Variants in HHAT observed in about 807,000 individuals in gnomAD.
The protein encoded by HHAT is protein-cysteine N-palmitoyltransferase HHAT.
A neutral mutation model predicts 70.8 loss-of-function variants in HHAT; 47 were observed. The observed-to-expected ratio is 0.66, with a 90% CI of 0.53 to 0.85. The LOEUF (loss-of-function observed/expected upper bound fraction) is 0.85. Among genes scored for constraint, HHAT ranks in the 40% least tolerant of loss-of-function variants. HHAT has a pLI of 0.00. For missense variants in HHAT, 609 were observed against 604.8 expected, an observed-to-expected ratio of 1.01 and a Z score of -0.07; for synonymous variants, 228 against 247.6, an observed-to-expected ratio of 0.92 and a Z score of 0.74.
At chr1:210,393,305 A>G (rs1404556021) in intron 4 of HHAT, among the ~76,000 whole-genome samples, 4 of 152,140 alleles carry the variant, frequency 2.6e-5, no homozygotes, top group Non-Finnish European at 5.9e-5. Flanking sequence ...CGGTCTTGAG[A>G]TTCCAAAATC....
intron 5 of HHAT, 58 bp downstream of exon 5, chr1:210,400,720 G>GA: frequency 1.3e-6 from 2 of 1,482,578 alleles, no homozygotes; most frequent in African/African-American, 1.4e-5. Context: ...GCTTTGCCTT[G>GA]ATCCCAGTAG....
At chr1:210,330,195 T>C (rs1457846780) in intron 1 of HHAT, among the ~76,000 whole-genome samples, 1 of 152,214 alleles carries the variant, frequency 6.6e-6, no homozygotes, top group African/African-American at 2.4e-5. Context: ...CCATTCCTCA[T>C]GTTCCATTTT....
intron 2 of HHAT, among the ~76,000 whole-genome samples, chr1:210,361,320 A>C (rs548334856): frequency 9.9e-5 from 15 of 152,220 alleles, no homozygotes; most frequent in African/African-American, 1.4e-4. Context: ...TGCAACACGC[A>C]AATAGGTGCG....
At chr1:210,375,449 A>G (rs2090112904) in intron 3 of HHAT, among the ~76,000 whole-genome samples, 1 of 152,070 alleles carries the variant, frequency 6.6e-6, no homozygotes, top group Non-Finnish European at 1.5e-5. Context: ...CTTTTGATTC[A>G]TGTATGTATG....
chr1:210,536,684 C>A (rs763501213), intron 9 of HHAT, among the ~76,000 whole-genome samples: 11 of 152,322 alleles, frequency 7.2e-5, no homozygotes, highest in Admixed American at 6.5e-5. Context: ...TACAGGTGAT[C>A]AGGGGCAGTA....
intron 7 of HHAT, among the ~76,000 whole-genome samples, chr1:210,459,234 A>T (rs2093930485): frequency 6.6e-6 from 1 of 152,114 alleles, no homozygotes; most frequent in East Asian, 1.9e-4. Context: ...AGACTCGTTG[A>T]TTTGGTGGCA....
At position 210,674,370 on chromosome 1, in the gene HHAT, C is replaced by G; in HGVS notation, c.1473C>G (p.Ala491=). 8.1e-6 allele frequency: 13 copies of G among 1,613,812 alleles called. No individual in the cohort carries two copies. Among genetic ancestry groups the G allele is most frequent in the Non-Finnish European group, 1.1e-5 (13 of 1,179,702 alleles). The change falls in exon 12 of 12, where the codon GCC becomes GCG. Residue 491 remains alanine, a synonymous_variant. Coordinates refer to ENST00000261458, the MANE Select transcript of HHAT (RefSeq NM_018194.6). ...HVGIAWAQTY[A]TD is the part of the protein sequence containing the mutation. ...GCATTGCCTGGGCCCAGACCTACGC[C>G]ACGGACTAATGCTGTTGGGCCCAGG...
intron 11 of HHAT, among the ~76,000 whole-genome samples, chr1:210,671,230 C>T (rs1680015073): frequency 6.6e-6 from 1 of 152,192 alleles, no homozygotes; most frequent in Non-Finnish European, 1.5e-5. Flanking sequence ...CCAAACACTG[C>T]TGATGCCTCA....
In HHAT at chr1:210,593,400, G is replaced by T. The variant is rs568684393; in HGVS notation, c.1245+5301G>T. ...TATCCATTATCATTTGTTTCAAGGA[G>T]TTTTTCAATTTCTTAAGTTCTTCAT... is the stretch of plus-strand genomic sequence containing the variant. On this transcript the variant is annotated intron_variant, in intron 10 of 11. Transcript: ENST00000261458. 1.4e-4 allele frequency among the ~76,000 whole-genome samples: 22 copies of T among 152,118 alleles called. No homozygotes were observed. The South Asian group carries it at 4.6e-3, about 32-fold the overall frequency.
At chr1:210,635,665 T>C (rs1261921479) in intron 11 of HHAT, among the ~76,000 whole-genome samples, 1 of 152,246 alleles carries the variant, frequency 6.6e-6, no homozygotes, top group Non-Finnish European at 1.5e-5. Context: ...ATGGTTTTGG[T>C]ACCTCTGAGA....
rs660329 is a variant in HHAT at position 210,343,432 on chromosome 1, C to T, written c.-43-5501C>T. On this transcript the variant is annotated intron_variant, in intron 1 of 11. Transcript: ENST00000261458. ...CTCAAGTAGTAACAGTAGTGACTGT[C>T]GTAGTGACAGTCTCAAATAGTAACC... Among the ~76,000 whole-genome samples, 872 of 152,272 alleles carry T rather than the reference C, an allele frequency of 5.7e-3. 8 individuals are homozygous for T. The highest frequency in any genetic ancestry group is 0.02 in the African/African-American group (833 of 41,554).
chr1:210,641,661 A>G (rs1573943841), intron 11 of HHAT, among the ~76,000 whole-genome samples: 1 of 152,320 alleles, frequency 6.6e-6, no homozygotes, highest in African/African-American at 2.4e-5. Flanking sequence ...CTTATATGCA[A>G]TTTTGTCCTC....
chr1:210,444,636 A>T (rs2093597065), intron 7 of HHAT, among the ~76,000 whole-genome samples: 2 of 152,118 alleles, frequency 1.3e-5, no homozygotes, highest in South Asian at 4.2e-4. Flanking sequence ...AATTGCGTAG[A>T]GGTGTTTGTA....
At chr1:210,329,273 G>A in intron 1 of HHAT, 169 bp downstream of exon 1, 1 of 1,177,732 alleles carries the variant, frequency 8.5e-7, no homozygotes, top group Non-Finnish European at 1.0e-6. Context: ...GGGCGAAGAA[G>A]ACAAAAGCGG....
chr1:210,573,342 C>T (rs986279192), intron 9 of HHAT, among the ~76,000 whole-genome samples: 4 of 152,152 alleles, frequency 2.6e-5, no homozygotes, highest in African/African-American at 9.7e-5. Context: ...GGTCCTGACC[C>T]CACGCTACTC....
chr1:210,455,677 A>C (rs1392779420), intron 7 of HHAT, among the ~76,000 whole-genome samples: 1 of 152,072 alleles, frequency 6.6e-6, no homozygotes, highest in African/African-American at 2.4e-5. Context: ...TAAAATGGGG[A>C]GTAATAGTAG....
intron 10 of HHAT, among the ~76,000 whole-genome samples, chr1:210,613,423 A>C (rs1666986814): frequency 6.6e-6 from 1 of 152,200 alleles, no homozygotes; most frequent in East Asian, 1.9e-4. Flanking sequence ...GTTGAAAACT[A>C]TTTAACCGTA....
chr1:210,591,992 C>T (rs1236740521), intron 10 of HHAT, among the ~76,000 whole-genome samples: 1 of 152,034 alleles, frequency 6.6e-6, no homozygotes, highest in Admixed American at 6.6e-5. Context: ...TGTCTCTTCA[C>T]TTTGTTGATT....
intron 7 of HHAT, among the ~76,000 whole-genome samples, chr1:210,421,297 A>G (rs1449326706): frequency 6.6e-6 from 1 of 152,226 alleles, no homozygotes; most frequent in African/African-American, 2.4e-5. Flanking sequence ...ACATAGATCA[A>G]TATAAAAAAA....
Sources: gnomAD v4.1 joint callset for allele counts (sites outside exome capture counted in the v4.1 genomes callset) on GRCh38, gnomAD v4.1.1 for gene constraint, MANE v1.5 for transcripts, NCBI Gene and HGNC (gene_info 2026-07-23, HGNC 2026-07-21) for gene names.